Variants in APBB1IP observed in about 807,000 individuals in gnomAD.
APBB1IP encodes the protein amyloid beta precursor protein binding family B member 1 interacting protein, also known as amyloid beta A4 precursor protein-binding family B member 1-interacting protein.
In APBB1IP, 27 loss-of-function variants were observed where a neutral mutation model predicts 64.9. The ratio of observed to expected loss-of-function variants is 0.42; its 90% CI spans 0.31 to 0.57. The LOEUF (loss-of-function observed/expected upper bound fraction) is 0.57, where lower values mean the gene tolerates loss of function less well. Among genes scored for constraint, APBB1IP ranks in the 20% least tolerant of loss-of-function variants. The pLI, the probability that APBB1IP is intolerant of heterozygous loss-of-function variation, is 0.20. For missense variants in APBB1IP, 812 were observed against 845.5 expected (o/e 0.96, Z 0.49); for synonymous variants, 392 against 331.0 (o/e 1.18, Z -2.00).
At position 26,512,663 on chromosome 10, in the gene APBB1IP, A is replaced by G. The variant is rs542378404; in HGVS notation, c.691+757A>G. 2.0e-5 allele frequency among the ~76,000 whole-genome samples: 3 copies of G among 152,196 alleles called. No individual in the cohort carries two copies. The East Asian group carries it at 5.8e-4, about 29-fold the overall frequency. Reference sequence around the variant, plus strand: ...GCTCTATCACCGAAGCTACAGTGCAATGGCGCAATCACGGGTCACTGCAGC... The same window carrying G: ...GCTCTATCACCGAAGCTACAGTGCAGTGGCGCAATCACGGGTCACTGCAGC... On this transcript the variant is annotated intron_variant, in intron 7 of 14. Transcript: ENST00000376236.
Position 26,500,769 on chromosome 10 carries a change from T to A in APBB1IP, c.161-50T>A, listed in dbSNP as rs1266613392. ...CTTAAAAATTATCTTCTTTCAGTTT[T>A]TCCAGATGCAAATAGGTTTTTATAC... On this transcript the variant is annotated intron_variant, in intron 4 of 14. Transcript: ENST00000376236. The A allele has an allele frequency of 2.0e-6, 3 of 1,524,788 alleles. No individual in the cohort carries two copies. The African/African-American group carries it at 4.2e-5, about 21-fold the overall frequency. The allele number at this position is 1,524,788 out of a possible 1,614,324, so 94.5% of individuals were successfully genotyped here.
chr10:26,560,880 A>G, intron 13 of APBB1IP, 36 bp downstream of exon 13: 1 of 1,505,438 alleles, frequency 6.6e-7, no homozygotes, highest in Non-Finnish European at 9.0e-7. Context: ...CACATATTCA[A>G]AGCTTGGTGC....
At chr10:26,469,420 C>T (rs542101177) in intron 2 of APBB1IP, among the ~76,000 whole-genome samples, 11 of 151,720 alleles carry the variant, frequency 7.3e-5, no homozygotes, top group South Asian at 2.1e-4. Context: ...CCACCACACT[C>T]GGCTATTTTT....
intron 4 of APBB1IP, among the ~76,000 whole-genome samples, chr10:26,498,734 C>T (rs1263733836): frequency 1.3e-5 from 2 of 152,116 alleles, no homozygotes; most frequent in Non-Finnish European, 2.9e-5. Flanking sequence ...ACAGTACTGA[C>T]AATGATAGGA....
intron 8 of APBB1IP, among the ~76,000 whole-genome samples, chr10:26,520,423 T>C (rs947959913): frequency 3.3e-5 from 5 of 152,260 alleles, no homozygotes; most frequent in African/African-American, 1.2e-4. Context: ...TCAGTTTTTC[T>C]GGAAAATTAT....
intron 2 of APBB1IP, among the ~76,000 whole-genome samples, chr10:26,451,851 G>A (rs1835468777): frequency 6.6e-6 from 1 of 152,148 alleles, no homozygotes; most frequent in South Asian, 2.1e-4. Context: ...CAGTAGACAT[G>A]GAGACTTCCT....
intron 2 of APBB1IP, among the ~76,000 whole-genome samples, chr10:26,475,941 A>C (rs950985515): frequency 2.6e-5 from 4 of 152,150 alleles, no homozygotes; most frequent in African/African-American, 4.8e-5. Flanking sequence ...AAAGTTTCAA[A>C]GCTTACACCA....
intron 2 of APBB1IP, among the ~76,000 whole-genome samples, chr10:26,463,741 G>A (rs1275259866): frequency 6.6e-6 from 1 of 152,154 alleles, no homozygotes; most frequent in East Asian, 1.9e-4. Flanking sequence ...TTTAAAAAAT[G>A]TTTACTTTAA....
chr10:26,458,412 G>GGGAA (rs1462592460), intron 2 of APBB1IP, among the ~76,000 whole-genome samples: 14 of 151,390 alleles, frequency 9.2e-5, no homozygotes, highest in Non-Finnish European at 1.5e-4. Flanking sequence ...GGTAGGAAAA[G>GGGAA]GGAAGGAAGG....
At chr10:26,506,452 T>C (rs1836180589) in intron 6 of APBB1IP, among the ~76,000 whole-genome samples, 1 of 152,160 alleles carries the variant, frequency 6.6e-6, no homozygotes, top group African/African-American at 2.4e-5. Flanking sequence ...CTGGCTATGT[T>C]GCCCAGGCTG....
intron 14 of APBB1IP, among the ~76,000 whole-genome samples, chr10:26,564,478 C>T (rs533539377): frequency 1.4e-4 from 21 of 152,168 alleles, no homozygotes; most frequent in Non-Finnish European, 2.2e-4. Context: ...ATTTTATATC[C>T]AGTGAACCAG....
At chr10:26,551,633 T>C (rs188759767) in intron 11 of APBB1IP, among the ~76,000 whole-genome samples, 3 of 152,326 alleles carry the variant, frequency 2.0e-5, no homozygotes, top group African/African-American at 4.8e-5. Flanking sequence ...TAGTGGAATG[T>C]CATGGAAGGA....
In APBB1IP at chr10:26,545,887, G is replaced by A. The variant is rs948577088; in HGVS notation, c.1155+4195G>A. On this transcript the variant is annotated intron_variant, in intron 11 of 14. Coordinates refer to ENST00000376236, the MANE Select transcript of APBB1IP (RefSeq NM_019043.4). Reference sequence around the variant, plus strand: ...ATCGCTTGAACCCCGGGAGGTGGAGGTTGCAGTGAGCCAAGATCACGCCAC... The same window carrying A: ...ATCGCTTGAACCCCGGGAGGTGGAGATTGCAGTGAGCCAAGATCACGCCAC... Among the ~76,000 whole-genome samples the A allele has an allele frequency of 7.9e-5, 12 of 151,058 alleles. No homozygotes were observed. The South Asian group carries it at 1.1e-3, about 13-fold the overall frequency.
In APBB1IP at chr10:26,567,478, A is replaced by G; in HGVS notation, c.1991A>G (p.Asn664Ser). ...LMKALQKKRGNVS is the reference protein window; with the variant it reads ...LMKALQKKRGSVS ...AAAGCTTTGCAAAAGAAGAGAGGCA[A>G]CGTGTCCTAGGGACGGGCATGATGA... The change falls in exon 15 of 15, where the codon AAC (asparagine) becomes AGC (serine). Residue 664 changes from asparagine to serine, a missense_variant. This residue lies in a region of APBB1IP where 381 missense variants were observed against 352.1 expected (regional missense o/e 1.08). Coordinates refer to ENST00000376236, the MANE Select transcript of APBB1IP (RefSeq NM_019043.4). The G allele has an allele frequency of 1.3e-6, 2 of 1,577,772 alleles. No homozygotes were observed. The highest frequency in any genetic ancestry group is 1.4e-5 in the African/African-American group (1 of 73,748).
At chr10:26,446,599 G>A (rs1357295131) in intron 2 of APBB1IP, among the ~76,000 whole-genome samples, 1 of 152,192 alleles carries the variant, frequency 6.6e-6, no homozygotes, top group African/African-American at 2.4e-5. Flanking sequence ...CACTTCAGCT[G>A]AATCAGACTC....
At position 26,567,394 on chromosome 10, in the gene APBB1IP, A is replaced by G; in HGVS notation, c.1907A>G (p.Asn636Ser). Residue 636 changes from asparagine (N) to serine (S), a missense_variant, in exon 15 of 15, where the codon AAC becomes AGC. Physicochemically the swap from Asn to Ser is conservative, Grantham distance 46. This residue lies in a region of APBB1IP where 381 missense variants were observed against 352.1 expected (regional missense o/e 1.08). Transcript: ENST00000376236. ...RPPVPPKRQE[N>S]PGHPGGAGGG... ...CCTGTGCCCCCCAAGAGGCAAGAGA[A>G]CCCAGGGCACCCCGGCGGAGCAGGA... The G allele has an allele frequency of 6.3e-7, 1 of 1,594,230 alleles. No homozygotes were observed. The highest frequency in any genetic ancestry group is 8.6e-7 in the Non-Finnish European group (1 of 1,167,716).
chr10:26,492,186 A>G (rs1424350364), intron 2 of APBB1IP, 141 bp from the exon 3 acceptor site: 3 of 631,174 alleles, frequency 4.8e-6, no homozygotes, highest in Non-Finnish European at 8.1e-6. Flanking sequence ...TCAGGCTAAC[A>G]TAAGCCTTCC....
In APBB1IP at chr10:26,452,725, A is replaced by G. The variant is rs188600570; in HGVS notation, c.-1+13872A>G. The stretch of plus-strand genomic sequence containing the variant: ...GTACAAGTGTAGATTTCTTACATGC[A>G]TATATTTCATCCTGGTGCAGTCTGG... On this transcript the variant is annotated intron_variant, in intron 2 of 14. Coordinates refer to ENST00000376236, the MANE Select transcript of APBB1IP (RefSeq NM_019043.4). Among the ~76,000 whole-genome samples the G allele has an allele frequency of 9.2e-3, 1,400 of 151,394 alleles. 7 individuals carry two copies. The highest frequency in any genetic ancestry group is 0.015 in the Non-Finnish European group (1,047 of 67,760).
At chr10:26,511,192 A>C (rs1433882714) in intron 6 of APBB1IP, among the ~76,000 whole-genome samples, 1 of 152,096 alleles carries the variant, frequency 6.6e-6, no homozygotes, top group Admixed American at 6.6e-5. Context: ...AAAAGAAAAA[A>C]AATTAGCTGG....
Sources: allele counts gnomAD v4.1 joint callset (sites outside exome capture counted in the v4.1 genomes callset), GRCh38; gene constraint gnomAD v4.1.1; regional missense constraint gnomAD v4.1.1; transcripts MANE v1.5; gene names NCBI Gene and HGNC (gene_info 2026-07-23, HGNC 2026-07-21).